Variants in SUCLG2 observed in about 807,000 individuals in gnomAD.
The protein encoded by SUCLG2 is succinate-CoA ligase GDP-forming subunit beta.
Under a neutral mutation model 47.9 loss-of-function variants are expected in SUCLG2, and 42 were observed. The ratio of observed to expected loss-of-function variants is 0.88; its 90% CI spans 0.69 to 1.14. SUCLG2 has a LOEUF of 1.14. SUCLG2 is among the 50% of genes most tolerant of loss of function. The pLI is 0.00. For missense variants in SUCLG2, 571 were observed against 525.9 expected, an observed-to-expected ratio of 1.09 and a Z score of -0.84; for synonymous variants, 195 against 197.3, an observed-to-expected ratio of 0.99 and a Z score of 0.10.
rs1187177044 is a variant in SUCLG2 at position 67,571,823 on chromosome 3, CAAATT to C, written c.226+37627_226+37631del. ...GGATCTCATAAATGTGGGCTACTAA[CAAATT>C]AAATGTTTCTTTCTATGCAAAATTT... On this transcript the variant is annotated intron_variant, in intron 2 of 10. Transcript: ENST00000307227. Among the ~76,000 whole-genome samples, 8 of 152,298 alleles carry C rather than the reference CAAATT, an allele frequency of 5.3e-5. No individual in the cohort carries two copies. In the East Asian group the frequency reaches 1.5e-3, roughly 29 times the overall value.
At position 67,609,590 on chromosome 3, in the gene SUCLG2, G is replaced by T. The variant is rs1214574992; in HGVS notation, c.91C>A (p.Gln31Lys). The T allele has an allele frequency of 6.2e-7, 1 of 1,613,122 alleles. No individual in the cohort carries two copies. Among genetic ancestry groups the T allele is most frequent in the Non-Finnish European group, 8.5e-7 (1 of 1,179,694 alleles). The change falls in exon 2 of 11, where the codon CAA becomes AAA. Residue 31 changes from glutamine (Q) to lysine (K), a missense_variant. Gln to Lys is a moderately conservative substitution (Grantham distance 53). Transcript: ENST00000307227. ...TTCAGCCATCTTCTGGAGGTTAATTGAACTGCCTACAGAAATTGAAGGAGA... is the reference window on the plus strand; with the variant it reads ...TTCAGCCATCTTCTGGAGGTTAATTTAACTGCCTACAGAAATTGAAGGAGA... Reference protein sequence around the residue: ...RFLAAGSQAVQLTSRRWLNLQ... With the variant: ...RFLAAGSQAVKLTSRRWLNLQ...
chr3:67,576,279 T>C (rs1268290881), intron 2 of SUCLG2, among the ~76,000 whole-genome samples: 1 of 152,200 alleles, frequency 6.6e-6, no homozygotes, highest in Non-Finnish European at 1.5e-5. Flanking sequence ...TGCAGGGATA[T>C]TGTTCCTTTA....
chr3:67,573,787 T>C (rs1212395280), intron 2 of SUCLG2, among the ~76,000 whole-genome samples: 2 of 152,130 alleles, frequency 1.3e-5, no homozygotes, highest in Non-Finnish European at 2.9e-5. Context: ...CCTTTTTTTT[T>C]CTTTTTCACC....
intron 2 of SUCLG2, among the ~76,000 whole-genome samples, chr3:67,538,357 T>A (rs534702129): frequency 6.6e-6 from 1 of 152,332 alleles, no homozygotes; most frequent in African/African-American, 2.4e-5. Context: ...TTTGTCAGGT[T>A]TGTCAAAAAT....
intron 1 of SUCLG2, among the ~76,000 whole-genome samples, chr3:67,631,369 T>A (rs985293372): frequency 8.5e-5 from 13 of 152,164 alleles, no homozygotes; most frequent in African/African-American, 3.1e-4. Context: ...GGCTCATACC[T>A]GTACTCTCAG....
chr3:67,650,160 A>C (rs1484512761), intron 1 of SUCLG2, among the ~76,000 whole-genome samples: 1 of 152,246 alleles, frequency 6.6e-6, no homozygotes, highest in Non-Finnish European at 1.5e-5. Context: ...AAAAAAGTCA[A>C]ATATTTATTC....
rs1178339273 is a variant in SUCLG2, at chr3:67,469,512, G to A, written c.1062+26286C>T. Among the ~76,000 whole-genome samples the A allele has an allele frequency of 2.0e-5, 3 of 147,284 alleles. No individual in the cohort carries two copies. The South Asian group carries it at 6.6e-4, about 33-fold the overall frequency. ...TGGGAGGCTGAGGCAGGTGGATCAC[G>A]AGGTCAGGAGTTCGAGACCAGCCTG... On this transcript the variant is annotated intron_variant, in intron 9 of 10. Transcript: ENST00000307227.
At chr3:67,481,276 C>G (rs1011367114) in intron 9 of SUCLG2, among the ~76,000 whole-genome samples, 5 of 152,200 alleles carry the variant, frequency 3.3e-5, no homozygotes, top group Non-Finnish European at 2.9e-5. Flanking sequence ...CACAAACAGG[C>G]ACTGGTACAT....
chr3:67,553,105 T>C (rs1707061694), intron 2 of SUCLG2, among the ~76,000 whole-genome samples: 1 of 152,234 alleles, frequency 6.6e-6, no homozygotes, highest in Non-Finnish European at 1.5e-5. Context: ...GAAGTGGATA[T>C]GAATGTTATC....
rs542441275 is a variant in SUCLG2, at chr3:67,366,360, C to CA, written c.1184-5593dup. ...CTCCATCTCAAAAAACAAAACAAAA[C>CA]AAAAAAACCCCAGAAAAGTGGAAAG... On this transcript the variant is annotated intron_variant, in intron 10 of 10. Coordinates refer to the SUCLG2 transcript ENST00000493112. Among the ~76,000 whole-genome samples, 354 of 152,078 alleles carry CA rather than the reference C, an allele frequency of 2.3e-3. 1 individual carries two copies. Among genetic ancestry groups the CA allele is most frequent in the South Asian group, 0.016 (77 of 4,814 alleles).
intron 2 of SUCLG2, among the ~76,000 whole-genome samples, chr3:67,544,849 A>T (rs548863571): frequency 3.3e-5 from 5 of 152,342 alleles, no homozygotes; most frequent in African/African-American, 1.2e-4. Context: ...AATCATTCAA[A>T]TTTGCTATTT....
intron 9 of SUCLG2, among the ~76,000 whole-genome samples, chr3:67,467,513 A>G (rs1042961690): frequency 6.6e-6 from 1 of 152,232 alleles, no homozygotes; most frequent in Non-Finnish European, 1.5e-5. Context: ...GGGTTTTAGT[A>G]AAAGAATGAT....
chr3:67,595,068 A>G (rs1379254439), intron 2 of SUCLG2, among the ~76,000 whole-genome samples: 1 of 152,226 alleles, frequency 6.6e-6, no homozygotes, highest in Non-Finnish European at 1.5e-5. Flanking sequence ...TGAAATTACA[A>G]GCCTTTAGTG....
At chr3:67,556,255 A>C (rs1225118927) in intron 2 of SUCLG2, among the ~76,000 whole-genome samples, 1 of 152,220 alleles carries the variant, frequency 6.6e-6, no homozygotes, top group African/African-American at 2.4e-5. Context: ...GTGACCTTTC[A>C]GTGGGCTTTG....
At chr3:67,419,661 A>G (rs1703110309) in intron 9 of SUCLG2, among the ~76,000 whole-genome samples, 1 of 152,164 alleles carries the variant, frequency 6.6e-6, no homozygotes, top group Non-Finnish European at 1.5e-5. Flanking sequence ...AATTTATGAC[A>G]GTATGATATG....
At chr3:67,549,272 C>T (rs1369416377) in intron 2 of SUCLG2, among the ~76,000 whole-genome samples, 3 of 152,106 alleles carry the variant, frequency 2.0e-5, no homozygotes, top group East Asian at 1.9e-4. Flanking sequence ...AATGAAGTGA[C>T]GAAAACGACT....
At chr3:67,439,794 G>C (rs1339943599) in intron 9 of SUCLG2, among the ~76,000 whole-genome samples, 1 of 152,142 alleles carries the variant, frequency 6.6e-6, no homozygotes, top group Non-Finnish European at 1.5e-5. Flanking sequence ...TCGTCAAAAT[G>C]GCCATACTGC....
chr3:67,555,161 G>A (rs1008195116), intron 2 of SUCLG2, among the ~76,000 whole-genome samples: 1 of 152,090 alleles, frequency 6.6e-6, no homozygotes, highest in Non-Finnish European at 1.5e-5. Context: ...TCTTGCTGTT[G>A]GAGGAACTTC....
In SUCLG2 at chr3:67,461,234, G is replaced by A. The variant is rs1395869682; in HGVS notation, c.1062+34564C>T. 1.1e-4 allele frequency among the ~76,000 whole-genome samples: 16 copies of A among 152,108 alleles called. 1 individual carries two copies. Among genetic ancestry groups the A allele is most frequent in the Non-Finnish European group, 2.1e-4 (14 of 68,030 alleles). On this transcript the variant is annotated intron_variant, in intron 9 of 10. Coordinates refer to ENST00000307227, the MANE Select transcript of SUCLG2 (RefSeq NM_003848.4). ...AACAATTTACCCACAGCATGCATGA[G>A]TTTAACGCTCCAAACGATACTCAGG...
Sources: gnomAD v4.1 joint callset for allele counts (sites outside exome capture counted in the v4.1 genomes callset) on GRCh38, gnomAD v4.1.1 for gene constraint, MANE v1.5 for transcripts, NCBI Gene and HGNC (gene_info 2026-07-23, HGNC 2026-07-21) for gene names.